ROBO2: variants seen among roughly 807,000 people sequenced by gnomAD.
ROBO2 encodes the protein roundabout homolog 2.
In ROBO2, 53 loss-of-function variants were observed where a neutral mutation model predicts 160.8. The observed-to-expected ratio is 0.33, with a 90% confidence interval of 0.26 to 0.41. The LOEUF is 0.41. Ranked by LOEUF, ROBO2 falls within the 10% of genes least tolerant of loss-of-function variation. ROBO2 has a pLI of 1.00. For synonymous variants in ROBO2, 664 were observed against 611.7 expected (o/e 1.09, Z -1.26); for missense variants, 1,577 against 1,722.4 (o/e 0.92, Z 1.49).
chr3:77,426,208 T>C (rs183402334), intron 2 of ROBO2, among the ~76,000 whole-genome samples: 220 of 152,236 alleles, frequency 1.4e-3, no homozygotes, highest in Non-Finnish European at 1.3e-3. Context: ...CTAGAAATAC[T>C]TGGGACATTG....
intron 2 of ROBO2, among the ~76,000 whole-genome samples, chr3:76,859,550 C>T (rs1033701046): frequency 1.3e-5 from 2 of 152,268 alleles, no homozygotes; most frequent in Middle Eastern, 3.4e-3. Context: ...TCTGGCTTTC[C>T]CTTTCTGTTG....
intron 2 of ROBO2, among the ~76,000 whole-genome samples, chr3:77,378,958 T>A (rs2073065124): frequency 6.6e-6 from 1 of 152,062 alleles, no homozygotes; most frequent in Non-Finnish European, 1.5e-5. Flanking sequence ...TCTTTTTTTT[T>A]TTTTTGGAGA....
In ROBO2 at chr3:76,804,408, C is replaced by T. The variant is rs141854380; in HGVS notation, c.110-293606C>T. 4.7e-4 allele frequency among the ~76,000 whole-genome samples: 72 copies of T among 152,242 alleles called. 1 individual carries two copies. The highest frequency in any genetic ancestry group is 1.6e-3 in the African/African-American group (66 of 41,560). ...TAGAAGGAGTGTGATTCGTAGCAGTCGGTTTTCTAACAAGGATAGGTGCAC... is the reference window on the plus strand; with the variant it reads ...TAGAAGGAGTGTGATTCGTAGCAGTTGGTTTTCTAACAAGGATAGGTGCAC... On this transcript the variant is annotated intron_variant, in intron 2 of 26. Coordinates refer to the ROBO2 transcript ENST00000487694.
chr3:76,485,557 C>A (rs1274736762), intron 2 of ROBO2, among the ~76,000 whole-genome samples: 1 of 152,152 alleles, frequency 6.6e-6, no homozygotes, highest in African/African-American at 2.4e-5. Context: ...GCTATATACT[C>A]ATAGCTCCCT....
chr3:76,303,192 C>T (rs924561939), intron 2 of ROBO2, among the ~76,000 whole-genome samples: 41 of 152,112 alleles, frequency 2.7e-4, no homozygotes, highest in African/African-American at 9.4e-4. Context: ...ATCACTAGGG[C>T]GCCTCCCCAG....
At chr3:76,795,043 A>G (rs1214905047) in intron 2 of ROBO2, among the ~76,000 whole-genome samples, 1 of 152,136 alleles carries the variant, frequency 6.6e-6, no homozygotes, top group Non-Finnish European at 1.5e-5. Flanking sequence ...TATGAAAGTT[A>G]TATTTATATA....
At chr3:75,955,187 A>G (rs1036189507) in intron 2 of ROBO2, among the ~76,000 whole-genome samples, 8 of 151,828 alleles carry the variant, frequency 5.3e-5, no homozygotes, top group African/African-American at 1.9e-4. Flanking sequence ...CAAACTTTCA[A>G]TATGTATAAT....
chr3:77,363,692 T>C (rs1581360838), intron 2 of ROBO2, among the ~76,000 whole-genome samples: 2 of 152,214 alleles, frequency 1.3e-5, no homozygotes, highest in South Asian at 4.1e-4. Context: ...TTGGTCTCTC[T>C]GTGTAACATT....
At chr3:77,017,311 A>G (rs2062330572) in intron 2 of ROBO2, among the ~76,000 whole-genome samples, 1 of 152,204 alleles carries the variant, frequency 6.6e-6, no homozygotes, top group African/African-American at 2.4e-5. Flanking sequence ...AACAACCACA[A>G]CAAAAAACCT....
chr3:76,328,908 T>TTATATATATATATATATATATATA (rs201466987), intron 2 of ROBO2, among the ~76,000 whole-genome samples: 10 of 136,016 alleles, frequency 7.4e-5, no homozygotes, highest in African/African-American at 2.3e-4. Flanking sequence ...ATTTATGTTA[T>TTATATATATATATATATATATATA]TATATATATA....
At chr3:77,278,020 T>C (rs2060004647) in intron 2 of ROBO2, among the ~76,000 whole-genome samples, 1 of 152,208 alleles carries the variant, frequency 6.6e-6, no homozygotes, top group Non-Finnish European at 1.5e-5. Context: ...TGAGATAGTA[T>C]CTCATTGTGG....
chr3:77,252,405 C>A lies in ROBO2; in HGVS notation c.388+154065C>A, dbSNP rs571471034. Among the ~76,000 whole-genome samples, 3 of 152,164 alleles carry A rather than the reference C, an allele frequency of 2.0e-5. No individual in the cohort carries two copies. The South Asian group carries it at 6.2e-4, about 32-fold the overall frequency. ...TCTTTTTTAAATAAACAAACAAAAA[C>A]AATTACTGACTCAGCAACAAGATGT... On this transcript the variant is annotated intron_variant, in intron 2 of 25. Transcript: ENST00000461745.
chr3:77,195,293 A>G (rs2150971909), intron 2 of ROBO2, among the ~76,000 whole-genome samples: 1 of 152,328 alleles, frequency 6.6e-6, no homozygotes, highest in South Asian at 2.1e-4. Context: ...CATGTCCAAT[A>G]CTTTGGTGAA....
chr3:76,625,254 CG>C (rs869212343), intron 2 of ROBO2, among the ~76,000 whole-genome samples: 4 of 64,272 alleles, frequency 6.2e-5, no homozygotes, highest in Non-Finnish European at 3.9e-5. Flanking sequence ...GTGGAAACCA[CG>C]GCTTTTTTTC....
At chr3:76,522,821 G>A (rs1322451242) in intron 2 of ROBO2, among the ~76,000 whole-genome samples, 1 of 151,746 alleles carries the variant, frequency 6.6e-6, no homozygotes, top group Non-Finnish European at 1.5e-5. Context: ...ATTTTATCCT[G>A]AAATGAACTA....
intron 2 of ROBO2, among the ~76,000 whole-genome samples, chr3:77,251,855 G>C (rs9868029): frequency 0.084 from 12,747 of 152,170 alleles, 1,550 homozygotes; most frequent in African/African-American, 0.27. Flanking sequence ...CTCCCCAGCT[G>C]AGTGGAACTG....
intron 2 of ROBO2, among the ~76,000 whole-genome samples, chr3:76,424,968 A>T (rs2076150294): frequency 6.6e-6 from 1 of 152,114 alleles, no homozygotes; most frequent in South Asian, 2.1e-4. Flanking sequence ...CTCATCTTCC[A>T]CCACACCCAG....
intron 2 of ROBO2, among the ~76,000 whole-genome samples, chr3:77,245,168 G>T (rs563031624): frequency 6.6e-6 from 1 of 152,092 alleles, no homozygotes; most frequent in Non-Finnish European, 1.5e-5. Flanking sequence ...TTAATAAGGC[G>T]CCTGTCATAT....
At chr3:76,968,706 A>G (rs557827182) in intron 2 of ROBO2, among the ~76,000 whole-genome samples, 1 of 152,266 alleles carries the variant, frequency 6.6e-6, no homozygotes, top group South Asian at 2.1e-4. Context: ...TATTATATGC[A>G]TGTTTTCGTC....
Sources: gnomAD v4.1 joint callset for allele counts (sites outside exome capture counted in the v4.1 genomes callset) on GRCh38, gnomAD v4.1.1 for gene constraint, MANE v1.5 for transcripts, NCBI Gene and HGNC (gene_info 2026-07-23, HGNC 2026-07-21) for gene names.